ASB5: variants seen among roughly 807,000 people sequenced by gnomAD.
ASB5 encodes ankyrin repeat and SOCS box protein 5.
Under a neutral mutation model 42.1 loss-of-function variants are expected in ASB5, and 45 were observed. The ratio of observed to expected loss-of-function variants is 1.07; its 90% CI spans 0.84 to 1.37. The LOEUF (loss-of-function observed/expected upper bound fraction) is 1.37, where lower values mean the gene tolerates loss of function less well. Ranked by LOEUF, ASB5 falls within the 40% of genes most tolerant of loss-of-function variation. The pLI, the probability that ASB5 is intolerant of heterozygous loss-of-function variation, is 0.00. For synonymous variants in ASB5, 147 were observed against 150.6 expected, an observed-to-expected ratio of 0.98 and a Z score of 0.18; for missense variants, 402 against 399.8, an observed-to-expected ratio of 1.01 and a Z score of -0.05.
At position 176,215,362 on chromosome 4, in the gene ASB5, G is replaced by C. The variant is rs574994845; in HGVS notation, c.*238C>G. On this transcript the variant is annotated 3_prime_UTR_variant, in exon 7 of 7. Transcript: ENST00000296525. ...TTATTATTTTTTCCTGAATAAACAG[G>C]AGGGTATATTGAAATAACAAAAAAT... is the stretch of plus-strand genomic sequence containing the variant. 2 of 294,774 alleles carry C rather than the reference G, an allele frequency of 6.8e-6. No homozygotes were observed. The highest frequency in any genetic ancestry group is 1.2e-5 in the Non-Finnish European group (2 of 163,798). 18.3% of individuals were successfully genotyped at this position (294,774 alleles called of 1,614,324 possible). A position where few individuals can be genotyped will look rare whatever the true frequency, so the allele number is the denominator to read the frequency against.
chr4:176,255,494 A>T (rs1344760198), intron 1 of ASB5, among the ~76,000 whole-genome samples: 1 of 152,252 alleles, frequency 6.6e-6, no homozygotes, highest in Admixed American at 6.5e-5. Context: ...GATAAAGAGT[A>T]TATGGTATAT....
chr4:176,252,655 T>C (rs1056967782), intron 1 of ASB5, among the ~76,000 whole-genome samples: 4 of 152,240 alleles, frequency 2.6e-5, no homozygotes, highest in African/African-American at 4.8e-5. Context: ...ATCCATGTCT[T>C]GCTGGGGTTG....
At chr4:176,265,913 C>T (rs1423358001) in intron 1 of ASB5, among the ~76,000 whole-genome samples, 1 of 152,010 alleles carries the variant, frequency 6.6e-6, no homozygotes, top group East Asian at 1.9e-4. Context: ...AAAGAATAGG[C>T]CCCTGCAGTA....
intron 1 of ASB5, among the ~76,000 whole-genome samples, chr4:176,243,140 A>G (rs1052384364): frequency 6.6e-6 from 1 of 152,148 alleles, no homozygotes; most frequent in African/African-American, 2.4e-5. Flanking sequence ...AAGTGTGCCA[A>G]CCTCTGGACT....
At chr4:176,216,450 A>T (rs192426243) in intron 6 of ASB5, among the ~76,000 whole-genome samples, 83 of 152,220 alleles carry the variant, frequency 5.5e-4, no homozygotes, top group African/African-American at 1.9e-3. Flanking sequence ...TCCCGGGTTC[A>T]AGTGATTCTC....
At chr4:176,254,924 G>A (rs761586191) in intron 1 of ASB5, among the ~76,000 whole-genome samples, 36 of 152,286 alleles carry the variant, frequency 2.4e-4, no homozygotes, top group African/African-American at 4.3e-4. Context: ...GAGGTCAGGC[G>A]TTTGAGACCA....
intron 1 of ASB5, among the ~76,000 whole-genome samples, chr4:176,233,249 A>G (rs1175238229): frequency 1.3e-5 from 2 of 152,234 alleles, no homozygotes; most frequent in Non-Finnish European, 2.9e-5. Flanking sequence ...GCTTTATCTC[A>G]TCTTATTCCT....
chr4:176,272,839 A>G (rs1428673484), upstream of ASB5, among the ~76,000 whole-genome samples: 3 of 151,996 alleles, frequency 2.0e-5, no homozygotes, highest in Non-Finnish European at 4.4e-5. Flanking sequence ...AAGCTATTAG[A>G]TTGAAAATAT....
At chr4:176,276,804 G>A (rs189567251) in intron 1 of ASB5, among the ~76,000 whole-genome samples, 1 of 152,260 alleles carries the variant, frequency 6.6e-6, no homozygotes, top group East Asian at 1.9e-4. Context: ...AACGCAACCC[G>A]TGAATTAACT....
chr4:176,237,120 C>T (rs1433370488), intron 1 of ASB5, among the ~76,000 whole-genome samples: 1 of 152,182 alleles, frequency 6.6e-6, no homozygotes, highest in Non-Finnish European at 1.5e-5. Flanking sequence ...TCAGCCGATG[C>T]AGTTTCCATA....
At chr4:176,232,473 T>C (rs1455078269) in intron 1 of ASB5, among the ~76,000 whole-genome samples, 2 of 152,118 alleles carry the variant, frequency 1.3e-5, no homozygotes, top group Non-Finnish European at 2.9e-5. Flanking sequence ...GGATTTACCA[T>C]GAAGCCAGTG....
intron 1 of ASB5, among the ~76,000 whole-genome samples, chr4:176,246,009 C>T (rs1463914672): frequency 1.3e-5 from 2 of 151,336 alleles, no homozygotes; most frequent in Non-Finnish European, 2.9e-5. Flanking sequence ...AACAAACCTG[C>T]ACGTTGTGCA....
chr4:176,217,718 T>C (rs1451341555), intron 5 of ASB5, among the ~76,000 whole-genome samples: 1 of 152,114 alleles, frequency 6.6e-6, no homozygotes, highest in Non-Finnish European at 1.5e-5. Context: ...GCCTGGCACA[T>C]GCTGGTCATT....
intron 1 of ASB5, among the ~76,000 whole-genome samples, chr4:176,228,761 A>T (rs1232280092): frequency 1.3e-5 from 2 of 152,204 alleles, no homozygotes; most frequent in African/African-American, 4.8e-5. Context: ...ACATTGTGTT[A>T]TCATTAGGTA....
At chr4:176,226,114 C>T (rs1753372349) in intron 1 of ASB5, among the ~76,000 whole-genome samples, 1 of 152,200 alleles carries the variant, frequency 6.6e-6, no homozygotes, top group South Asian at 2.1e-4. Flanking sequence ...TAAAGCATTG[C>T]TTATGAGTGT....
At position 176,223,070 on chromosome 4, in the gene ASB5, G is replaced by A. The variant is rs549244610; in HGVS notation, c.277-650C>T. Reference sequence around the variant, plus strand: ...TGGAATTACAGGTGTGAGCCACCGCGCCCGGCCAACTTGTTTTGATTGAGG... The same window carrying A: ...TGGAATTACAGGTGTGAGCCACCGCACCCGGCCAACTTGTTTTGATTGAGG... On this transcript the variant is annotated intron_variant, in intron 2 of 6. Coordinates refer to ENST00000296525, the MANE Select transcript of ASB5 (RefSeq NM_080874.4). 5.3e-5 allele frequency among the ~76,000 whole-genome samples: 8 copies of A among 152,238 alleles called. No homozygotes were observed. In the South Asian group the frequency reaches 6.2e-4, roughly 12 times the overall value.
intron 3 of ASB5, 150 bp from the exon 4 acceptor site, chr4:176,221,750 C>T (rs1252551216): frequency 4.3e-6 from 3 of 705,650 alleles, no homozygotes; most frequent in Admixed American, 3.5e-5. Context: ...TGCTCTTATG[C>T]ATTAACAAGA....
At chr4:176,235,931 A>C (rs1579321184) in intron 1 of ASB5, among the ~76,000 whole-genome samples, 1 of 152,004 alleles carries the variant, frequency 6.6e-6, no homozygotes, top group Non-Finnish European at 1.5e-5. Flanking sequence ...CGCTCACTGC[A>C]GCCTTCAAAT....
intron 1 of ASB5, among the ~76,000 whole-genome samples, chr4:176,253,237 A>G (rs1754079591): frequency 6.6e-6 from 1 of 152,242 alleles, no homozygotes; most frequent in African/African-American, 2.4e-5. Flanking sequence ...TTAAAAATGT[A>G]GTCTAAAAAA....
Sources: gnomAD v4.1 joint callset for allele counts (sites outside exome capture counted in the v4.1 genomes callset) on GRCh38, gnomAD v4.1.1 for gene constraint, MANE v1.5 for transcripts, NCBI Gene and HGNC (gene_info 2026-07-23, HGNC 2026-07-21) for gene names.